The following EYS variants were observed in gnomAD, a reference collection of about 807,000 sequenced individuals.
EYS encodes protein eyes shut homolog.
Under a neutral mutation model 282.1 loss-of-function variants are expected in EYS, and 250 were observed. That is an observed-to-expected ratio of 0.89 (90% CI 0.80 to 0.98). EYS has a LOEUF of 0.98. Ranked by LOEUF, EYS falls within the 50% of genes least tolerant of loss-of-function variation. The pLI, the probability that EYS is intolerant of heterozygous loss-of-function variation, is 0.00. For missense variants in EYS, 4,016 were observed against 3,709.0 expected, an observed-to-expected ratio of 1.08 and a Z score of -2.15; for synonymous variants, 1,355 against 1,282.9, an observed-to-expected ratio of 1.06 and a Z score of -1.20.
At chr6:64,016,876 T>C (rs571327092) in intron 33 of EYS, among the ~76,000 whole-genome samples, 1 of 152,258 alleles carries the variant, frequency 6.6e-6, no homozygotes, top group East Asian at 1.9e-4. Flanking sequence ...TTAGCTTAAC[T>C]GAGACAGGAA....
At chr6:64,341,875 G>T (rs974855475) in intron 29 of EYS, among the ~76,000 whole-genome samples, 1 of 151,452 alleles carries the variant, frequency 6.6e-6, no homozygotes, top group African/African-American at 2.4e-5. Flanking sequence ...TCATAACTAA[G>T]AAAAGCAAAA....
At chr6:65,483,783 G>A (rs1217911164) in intron 5 of EYS, among the ~76,000 whole-genome samples, 1 of 152,112 alleles carries the variant, frequency 6.6e-6, no homozygotes. Context: ...ACAGTTCCAC[G>A]TGGCTGGGGA....
At chr6:65,116,434 A>C (rs1351335418) in intron 12 of EYS, among the ~76,000 whole-genome samples, 5 of 152,094 alleles carry the variant, frequency 3.3e-5, no homozygotes, top group Non-Finnish European at 7.4e-5. Flanking sequence ...GGATGGAAAA[A>C]GGGGATACAA....
chr6:65,099,911 C>T (rs1774846181), intron 12 of EYS, among the ~76,000 whole-genome samples: 1 of 150,748 alleles, frequency 6.6e-6, no homozygotes, highest in Non-Finnish European at 1.5e-5. Flanking sequence ...TTGATCAACA[C>T]TTCATGGCAA....
chr6:63,760,982 A>T (rs570801228), intron 41 of EYS, among the ~76,000 whole-genome samples: 1 of 152,026 alleles, frequency 6.6e-6, no homozygotes, highest in East Asian at 1.9e-4. Context: ...TTCACTAAGG[A>T]ACTATTCTAT....
chr6:65,249,051 T>C (rs1767251971), intron 12 of EYS, among the ~76,000 whole-genome samples: 1 of 146,814 alleles, frequency 6.8e-6, no homozygotes, highest in Non-Finnish European at 1.5e-5. Context: ...AAATGTGTCC[T>C]ATAAAACTGA....
intron 2 of EYS, among the ~76,000 whole-genome samples, chr6:65,591,458 A>G (rs1765231681): frequency 6.6e-6 from 1 of 151,982 alleles, no homozygotes; most frequent in African/African-American, 2.4e-5. Context: ...GAATTACAGT[A>G]AACACAATAC....
chr6:64,222,512 A>G (rs1169691821), intron 31 of EYS, among the ~76,000 whole-genome samples: 2 of 151,998 alleles, frequency 1.3e-5, no homozygotes, highest in Admixed American at 1.3e-4. Flanking sequence ...TATACTCTTC[A>G]ATCCTTTTCC....
At chr6:64,997,789 T>C in intron 13 of EYS, 86 bp from the exon 14 acceptor site, 1 of 1,224,988 alleles carries the variant, frequency 8.2e-7, no homozygotes, top group Non-Finnish European at 1.1e-6. Flanking sequence ...TCTATAATCA[T>C]TTATGTAGTT....
intron 35 of EYS, among the ~76,000 whole-genome samples, chr6:63,980,156 T>A (rs1456534416): frequency 6.6e-6 from 1 of 151,866 alleles, no homozygotes; most frequent in Non-Finnish European, 1.5e-5. Context: ...CACTCTTGTG[T>A]AGAGAGCCAA....
intron 22 of EYS, among the ~76,000 whole-genome samples, chr6:64,630,677 C>A (rs901415429): frequency 2.6e-4 from 40 of 152,044 alleles, no homozygotes; most frequent in African/African-American, 6.8e-4. Context: ...TTAATGCAGT[C>A]ATCTTCTTGT....
chr6:65,584,897 T>A (rs866131008), intron 2 of EYS, among the ~76,000 whole-genome samples: 34 of 89,704 alleles, frequency 3.8e-4, no homozygotes, highest in African/African-American at 1.2e-3. Context: ...ATTATATATA[T>A]TATATATATA....
At chr6:64,758,043 G>T (rs1057319172) in intron 22 of EYS, among the ~76,000 whole-genome samples, 1 of 152,020 alleles carries the variant, frequency 6.6e-6, no homozygotes, top group African/African-American at 2.4e-5. Flanking sequence ...CAAAGTGCTG[G>T]GATTACAGGC....
rs1048493653 is a variant in EYS, at chr6:65,338,124, A to G, written c.1600-2978T>C. 2.6e-5 allele frequency among the ~76,000 whole-genome samples: 4 copies of G among 151,248 alleles called. No individual in the cohort carries two copies. The Admixed American group carries it at 2.6e-4, about 10-fold the overall frequency. On this transcript the variant is annotated intron_variant, in intron 10 of 42. Transcript: ENST00000503581. ...GTTGAAATACTTTTATTAAATGGAA[A>G]AGATGGTGAATTATTTTATGCTGCA...
intron 5 of EYS, among the ~76,000 whole-genome samples, chr6:65,487,724 G>C (rs34579964): frequency 1.3e-5 from 2 of 152,102 alleles, no homozygotes; most frequent in East Asian, 1.9e-4. Context: ...TTTTTCTATT[G>C]ATCGGAATAG....
chr6:64,313,001 G>GTT (rs1225356211), intron 29 of EYS, among the ~76,000 whole-genome samples: 1 of 152,196 alleles, frequency 6.6e-6, no homozygotes, highest in Non-Finnish European at 1.5e-5. Context: ...ACTCCTTGCA[G>GTT]CAAGGGAACA....
rs529766931 is a variant in EYS, at chr6:65,008,970, T to C, written c.2138-11267A>G. 8.5e-5 allele frequency among the ~76,000 whole-genome samples: 13 copies of C among 152,300 alleles called. No individual in the cohort carries two copies. The South Asian group carries it at 2.5e-3, about 29-fold the overall frequency. ...ACTAAGCTGTGATGGGGCGCTTTAC[T>C]CTTTTCACATGCTTTTCTAATTATG... On this transcript the variant is annotated intron_variant, in intron 13 of 42. Coordinates refer to ENST00000503581, the MANE Select transcript of EYS (RefSeq NM_001142800.2).
intron 12 of EYS, among the ~76,000 whole-genome samples, chr6:65,289,247 T>C (rs183259478): frequency 5.4e-4 from 82 of 151,196 alleles, no homozygotes; most frequent in Non-Finnish European, 9.7e-4. Flanking sequence ...ATTTAAAAGG[T>C]AAAATTTTAG....
chr6:64,552,685 C>T (rs145020185), intron 26 of EYS, among the ~76,000 whole-genome samples: 1,702 of 152,134 alleles, frequency 0.011, 40 homozygotes, highest in African/African-American at 0.039. Flanking sequence ...GAGGCCGAAG[C>T]TGACAGATCA....
Sources: gnomAD v4.1 joint callset for allele counts (sites outside exome capture counted in the v4.1 genomes callset) on GRCh38, gnomAD v4.1.1 for gene constraint, MANE v1.5 for transcripts, NCBI Gene and HGNC (gene_info 2026-07-23, HGNC 2026-07-21) for gene names.